TTC5: variants seen among roughly 807,000 people sequenced by gnomAD.
TTC5 encodes the protein tetratricopeptide repeat domain 5.
Under a neutral mutation model 57.4 loss-of-function variants are expected in TTC5, and 46 were observed. The ratio of observed to expected loss-of-function variants is 0.80; its 90% confidence interval spans 0.63 to 1.03. The LOEUF is 1.03. Ranked by LOEUF, TTC5 falls within the 50% of genes least tolerant of loss-of-function variation. The probability of loss-of-function intolerance (pLI) is 0.00; values close to 1 mark genes in which losing one functional copy is unlikely to be tolerated. For missense variants in TTC5, 504 were observed against 528.1 expected (o/e 0.95, Z 0.45); for synonymous variants, 190 against 203.5 (o/e 0.93, Z 0.57).
chr14:20,289,838 A>C, intron 9 of TTC5, 92 bp from the exon 10 acceptor site: 1 of 1,358,050 alleles, frequency 7.4e-7, no homozygotes, highest in South Asian at 1.5e-5. Context: ...TTTCTGCACC[A>C]CCTCCCCTGT....
chr14:20,298,891 G>T lies in TTC5; in HGVS notation c.548-3C>A. ...AAGATATGAATTCCCAAGAATATCT[G>T]AAAGAGAAACACAGTGACAAATCAT... is the stretch of plus-strand genomic sequence containing the variant. On this transcript the variant is annotated splice_polypyrimidine_tract_variant and splice_region_variant and intron_variant, in intron 4 of 9. Coordinates refer to ENST00000258821, the MANE Select transcript of TTC5 (RefSeq NM_138376.3). 6.3e-7 allele frequency: 1 copy of T among 1,598,288 alleles called. No individual in the cohort carries two copies. The highest frequency in any genetic ancestry group is 1.1e-5 in the South Asian group (1 of 90,682).
At chr14:20,292,167 AG>A in intron 8 of TTC5, 40 bp from the exon 9 acceptor site, 1 of 1,428,652 alleles carries the variant, frequency 7.0e-7, no homozygotes, top group Non-Finnish European at 9.3e-7. Context: ...GAAAACAAAA[AG>A]GTATGTGGGT....
chr14:20,305,586 G>T, intron 1 of TTC5: 1 of 496,666 alleles, frequency 2.0e-6, no homozygotes, highest in East Asian at 3.5e-5. Flanking sequence ...ACATGTATAT[G>T]CTATTCGCTA....
At chr14:20,297,146 AC>A (rs1882082529) in intron 5 of TTC5, among the ~76,000 whole-genome samples, 1 of 152,226 alleles carries the variant, frequency 6.6e-6, no homozygotes, top group South Asian at 2.1e-4. Context: ...CTGCCCATAA[AC>A]CTAGCTCCAG....
chr14:20,295,569 C>T (rs1291843955), intron 7 of TTC5, 43 bp from the exon 8 acceptor site: 2 of 1,585,844 alleles, frequency 1.3e-6, no homozygotes, highest in African/African-American at 2.7e-5. Flanking sequence ...AAACTAGTCG[C>T]CTTCCTTGAG....
At chr14:20,303,026 T>C (rs1882223328) in intron 1 of TTC5, among the ~76,000 whole-genome samples, 1 of 151,954 alleles carries the variant, frequency 6.6e-6, no homozygotes, top group Admixed American at 6.6e-5. Context: ...ACCCGGTCTC[T>C]ACTAAAAATA....
At chr14:20,298,992 C>T in intron 4 of TTC5, 104 bp from the exon 5 acceptor site, 1 of 943,946 alleles carries the variant, frequency 1.1e-6, no homozygotes, top group Non-Finnish European at 1.6e-6. Context: ...ACAAGAAATC[C>T]AAACCAGGAA....
chr14:20,295,547 G>A (rs762286180), intron 7 of TTC5, 21 bp from the exon 8 acceptor site: 2 of 1,600,660 alleles, frequency 1.2e-6, no homozygotes, highest in Non-Finnish European at 1.7e-6. Context: ...GGGGAAATAG[G>A]TAAGAAGCTG....
chr14:20,293,172 C>A (rs1881993274), intron 8 of TTC5: 2 of 152,096 alleles, frequency 1.3e-5, no homozygotes, highest in South Asian at 4.1e-4. Context: ...GCAGGATAAA[C>A]AGACTGATAT....
At chr14:20,300,436 CCT>C (rs1218217083) in intron 3 of TTC5, 169 bp downstream of exon 3, 3 of 594,038 alleles carry the variant, frequency 5.1e-6, no homozygotes, top group Non-Finnish European at 8.7e-6. Flanking sequence ...TTCCCAGGCC[CCT>C]GCCTCTATTT....
chr14:20,292,164 A>G, intron 8 of TTC5, 37 bp from the exon 9 acceptor site: 1 of 1,440,896 alleles, frequency 6.9e-7, no homozygotes, highest in Non-Finnish European at 9.2e-7. Context: ...GAGGAAAACA[A>G]AAAGGTATGT....
At chr14:20,289,838 A>G (rs1881918552) in intron 9 of TTC5, 92 bp from the exon 10 acceptor site, 5 of 1,357,932 alleles carry the variant, frequency 3.7e-6, no homozygotes, top group Non-Finnish European at 5.0e-6. Context: ...TTTCTGCACC[A>G]CCTCCCCTGT....
At chr14:20,302,762 G>T (rs1317951026) in intron 1 of TTC5, among the ~76,000 whole-genome samples, 1 of 152,144 alleles carries the variant, frequency 6.6e-6, no homozygotes, top group Non-Finnish European at 1.5e-5. Context: ...GACACCACAA[G>T]TAGAAAATTC....
chr14:20,290,323 T>C (rs115344159), intron 9 of TTC5, among the ~76,000 whole-genome samples: 1,549 of 152,318 alleles, frequency 0.01, 28 homozygotes, highest in African/African-American at 0.036. Context: ...ACATATTAAA[T>C]AGTCTTCATC....
intron 8 of TTC5, chr14:20,293,221 A>C (rs1012775887): frequency 6.6e-6 from 1 of 152,244 alleles, no homozygotes; most frequent in Non-Finnish European, 1.5e-5. Context: ...ATGGTAGAAT[A>C]TAAGTGGATG....
At chr14:20,303,891 T>A (rs1011520873) in intron 1 of TTC5, among the ~76,000 whole-genome samples, 5 of 152,202 alleles carry the variant, frequency 3.3e-5, no homozygotes, top group African/African-American at 1.2e-4. Flanking sequence ...GAAGACCTTA[T>A]GCCTGGACAC....
chr14:20,305,860 C>CAT, intron 1 of TTC5, 27 bp downstream of exon 1: 1 of 1,611,678 alleles, frequency 6.2e-7, no homozygotes, highest in Non-Finnish European at 8.5e-7. Context: ...AACAAAAACA[C>CAT]ATACAGAATT....
Position 20,295,446 on chromosome 14 carries a change from G to C in TTC5, c.924C>G (p.His308Gln), listed in dbSNP as rs375706893. The change falls in exon 8 of 10, where the codon CAC (histidine) becomes CAG (glutamine). Residue 308 changes from histidine (H) to glutamine (Q), a missense_variant. Physicochemically the swap from His to Gln is conservative, Grantham distance 24. Transcript: ENST00000258821. ...PAHLGPCSDG[H>Q]YQSASGQKVT... is the part of the protein sequence containing the mutation. ...CTTTCTGCCCAGAGGCTGACTGATA[G>C]TGCCCATCACTGCAAGGGCCTAGAT... The C allele has an allele frequency of 5.6e-6, 9 of 1,614,068 alleles. No homozygotes were observed. The highest frequency in any genetic ancestry group is 7.6e-6 in the Non-Finnish European group (9 of 1,180,036).
At chr14:20,301,689 T>G (rs1283590279) in intron 2 of TTC5, 144 bp downstream of exon 2, 17 of 1,027,562 alleles carry the variant, frequency 1.7e-5, no homozygotes, top group Non-Finnish European at 2.3e-5. Flanking sequence ...AATGAAAGGT[T>G]GCACAGGGGC....
Sources: allele counts gnomAD v4.1 joint callset (sites outside exome capture counted in the v4.1 genomes callset), GRCh38; gene constraint gnomAD v4.1.1; transcripts MANE v1.5; gene names NCBI Gene and HGNC (gene_info 2026-07-23, HGNC 2026-07-21).